The following MEGF11 variants were observed in gnomAD, a reference collection of about 807,000 sequenced individuals.
MEGF11 encodes the protein multiple EGF like domains 11.
In MEGF11, 126 loss-of-function variants were observed where a neutral mutation model predicts 146.6. The ratio of observed to expected loss-of-function variants is 0.86; its 90% CI spans 0.74 to 1.00. MEGF11 has a LOEUF of 1.00. Ranked by LOEUF, MEGF11 falls within the 50% of genes least tolerant of loss-of-function variation. The probability of loss-of-function intolerance (pLI) is 0.00; values close to 1 mark genes in which losing one functional copy is unlikely to be tolerated. For synonymous variants in MEGF11, 532 were observed against 583.4 expected (o/e 0.91, Z 1.27); for missense variants, 1,509 against 1,521.2 (o/e 0.99, Z 0.13).
chr15:65,903,187 C>A (rs373090484), intron 24 of MEGF11, among the ~76,000 whole-genome samples: 1 of 152,128 alleles, frequency 6.6e-6, no homozygotes, highest in Non-Finnish European at 1.5e-5. Context: ...CCCAAGTTTA[C>A]GCAAAGACAG....
At chr15:66,109,823 A>G (rs922248083) in intron 4 of MEGF11, among the ~76,000 whole-genome samples, 1 of 152,202 alleles carries the variant, frequency 6.6e-6, no homozygotes, top group African/African-American at 2.4e-5. Context: ...GAGGTCTCTC[A>G]GTATTTGTGG....
At chr15:65,920,730 G>C (rs1040201986) in intron 15 of MEGF11, among the ~76,000 whole-genome samples, 1 of 152,222 alleles carries the variant, frequency 6.6e-6, no homozygotes, top group African/African-American at 2.4e-5. Flanking sequence ...TCTGTAATTT[G>C]TAACTTGCTG....
At chr15:66,239,368 A>T (rs1157553111) in intron 1 of MEGF11, among the ~76,000 whole-genome samples, 2 of 152,198 alleles carry the variant, frequency 1.3e-5, no homozygotes, top group Non-Finnish European at 2.9e-5. Flanking sequence ...AACTCATGTC[A>T]TTACTGAACA....
chr15:65,993,594 C>A (rs1324621117), intron 5 of MEGF11, among the ~76,000 whole-genome samples: 1 of 152,214 alleles, frequency 6.6e-6, no homozygotes, highest in Non-Finnish European at 1.5e-5. Context: ...CCCTCCCCGA[C>A]GTGGCCCCCT....
intron 1 of MEGF11, among the ~76,000 whole-genome samples, chr15:66,194,259 A>G (rs1044956475): frequency 6.6e-6 from 1 of 152,180 alleles, no homozygotes; most frequent in African/African-American, 2.4e-5. Flanking sequence ...AAAACCCAAC[A>G]TCATATGTTC....
At chr15:66,143,887 CAGGAGGGT>C in intron 1 of MEGF11, among the ~76,000 whole-genome samples, 1 of 152,242 alleles carries the variant, frequency 6.6e-6, no homozygotes, top group Admixed American at 6.5e-5. Context: ...AGGTGGGACT[CAGGAGGGT>C]AGGAAGTTTC....
rs966933565 is a variant in MEGF11, at chr15:66,138,411, G to A, written c.-8-10000C>T. On this transcript the variant is annotated intron_variant, in intron 1 of 25. Coordinates refer to ENST00000395614, the MANE Select transcript of MEGF11 (RefSeq NM_001385028.1). ...TTTCAAAGACCCAAAATGATCTCACGACACAGAAAAATAGATGGATAAAGC... is the reference window on the plus strand; with the variant it reads ...TTTCAAAGACCCAAAATGATCTCACAACACAGAAAAATAGATGGATAAAGC... Among the ~76,000 whole-genome samples, 8 of 152,184 alleles carry A rather than the reference G, an allele frequency of 5.3e-5. No individual in the cohort carries two copies. The East Asian group carries it at 5.8e-4, about 11-fold the overall frequency.
At chr15:66,146,091 T>A (rs1368815719) in intron 1 of MEGF11, among the ~76,000 whole-genome samples, 1 of 152,158 alleles carries the variant, frequency 6.6e-6, no homozygotes, top group Non-Finnish European at 1.5e-5. Flanking sequence ...ATTTGCTGGG[T>A]GATTTTGGGA....
intron 5 of MEGF11, among the ~76,000 whole-genome samples, chr15:66,076,913 T>A (rs531111550): frequency 6.6e-5 from 10 of 152,222 alleles, no homozygotes; most frequent in Non-Finnish European, 1.3e-4. Flanking sequence ...CCAGAGGGAC[T>A]GGCTGGGGCT....
chr15:66,131,440 A>C (rs908461822), intron 1 of MEGF11, among the ~76,000 whole-genome samples: 2 of 152,214 alleles, frequency 1.3e-5, no homozygotes, highest in Admixed American at 1.3e-4. Flanking sequence ...GCCTTTGTGG[A>C]GTGGGTGGGA....
intron 1 of MEGF11, among the ~76,000 whole-genome samples, chr15:66,141,437 C>A (rs541834051): frequency 1.3e-5 from 2 of 151,944 alleles, no homozygotes; most frequent in East Asian, 3.9e-4. Context: ...AGAAGACAAG[C>A]TTGGGCTGGC....
At chr15:66,170,897 C>A (rs972953521) in intron 1 of MEGF11, among the ~76,000 whole-genome samples, 5 of 152,222 alleles carry the variant, frequency 3.3e-5, no homozygotes, top group African/African-American at 1.2e-4. Context: ...GCTCACTCCC[C>A]ACCAGGGCAC....
At chr15:66,071,067 C>T (rs768474443) in intron 5 of MEGF11, among the ~76,000 whole-genome samples, 11 of 152,042 alleles carry the variant, frequency 7.2e-5, no homozygotes, top group African/African-American at 1.2e-4. Flanking sequence ...TTCTATTCCA[C>T]GCCTGTTCTG....
intron 10 of MEGF11, among the ~76,000 whole-genome samples, chr15:65,949,582 AG>A (rs1254557884): frequency 6.6e-6 from 1 of 152,138 alleles, no homozygotes; most frequent in East Asian, 1.9e-4. Context: ...GGGACACTGG[AG>A]CCCCTCTCCT....
At chr15:65,980,977 G>T in intron 6 of MEGF11, 79 bp from the exon 7 acceptor site, 2 of 1,455,272 alleles carry the variant, frequency 1.4e-6, no homozygotes, top group Non-Finnish European at 1.8e-6. Flanking sequence ...GGGTTCCCTA[G>T]GAATTCCTCC....
At chr15:66,234,180 C>T (rs963638920) in intron 1 of MEGF11, among the ~76,000 whole-genome samples, 6 of 151,714 alleles carry the variant, frequency 4.0e-5, no homozygotes, top group Admixed American at 3.9e-4. Context: ...ATTACAGGCA[C>T]GAGCCACTGC....
At chr15:66,240,394 G>A (rs2092185941) in intron 1 of MEGF11, among the ~76,000 whole-genome samples, 2 of 152,234 alleles carry the variant, frequency 1.3e-5, no homozygotes, top group African/African-American at 4.8e-5. Flanking sequence ...GTCCCCTAGA[G>A]CTGGACTTAC....
intron 1 of MEGF11, among the ~76,000 whole-genome samples, chr15:66,246,916 G>A (rs185226631): frequency 6.8e-4 from 103 of 152,290 alleles, no homozygotes; most frequent in African/African-American, 2.3e-3. Context: ...CAGGGCTGGC[G>A]AGGGAGTCAC....
intron 1 of MEGF11, among the ~76,000 whole-genome samples, chr15:66,248,221 GA>G (rs947288960): frequency 5.3e-5 from 8 of 152,196 alleles, no homozygotes; most frequent in Non-Finnish European, 1.2e-4. Flanking sequence ...CAGGAAAGAT[GA>G]AAAGCATCCG....
Sources: allele counts gnomAD v4.1 joint callset (sites outside exome capture counted in the v4.1 genomes callset), GRCh38; gene constraint gnomAD v4.1.1; transcripts MANE v1.5; gene names NCBI Gene and HGNC (gene_info 2026-07-23, HGNC 2026-07-21).